Variants in MED26 observed in about 807,000 individuals in gnomAD.
MED26 encodes the protein mediator of RNA polymerase II transcription subunit 26.
MED26 carries 7 observed loss-of-function variants against 43.7 expected under a neutral mutation model. That is an observed-to-expected ratio of 0.16 (90% CI 0.09 to 0.30). The LOEUF (loss-of-function observed/expected upper bound fraction) is 0.30. MED26 is among the 10% of genes least tolerant of loss of function. The pLI, the probability that MED26 is intolerant of heterozygous loss-of-function variation, is 1.00. For synonymous variants in MED26, 375 were observed against 371.1 expected (o/e 1.01, Z -0.12); for missense variants, 784 against 840.6 (o/e 0.93, Z 0.83).
chr19:16,595,415 G>A (rs2086115821), intron 1 of MED26, among the ~76,000 whole-genome samples: 1 of 152,186 alleles, frequency 6.6e-6, no homozygotes, highest in Admixed American at 6.5e-5. Context: ...CATCTACTGA[G>A]CCACTGCTGT....
intron 1 of MED26, among the ~76,000 whole-genome samples, chr19:16,585,521 G>T (rs1365805607): frequency 1.3e-5 from 2 of 152,046 alleles, no homozygotes; most frequent in South Asian, 4.1e-4. Flanking sequence ...GTCACTCCAG[G>T]ACCTGCCCAG....
chr19:16,594,765 G>A (rs1368644707), intron 1 of MED26, among the ~76,000 whole-genome samples: 1 of 151,974 alleles, frequency 6.6e-6, no homozygotes, highest in African/African-American at 2.4e-5. Flanking sequence ...CACCACACAA[G>A]TGCTGACAGT....
chr19:16,621,671 T>C (rs2086252113), intron 1 of MED26, among the ~76,000 whole-genome samples: 1 of 151,878 alleles, frequency 6.6e-6, no homozygotes, highest in Admixed American at 6.6e-5. Flanking sequence ...ACTTGGATGG[T>C]CACAGAATCC....
At chr19:16,593,990 C>T (rs2086109466) in intron 1 of MED26, among the ~76,000 whole-genome samples, 2 of 152,200 alleles carry the variant, frequency 1.3e-5, no homozygotes, top group Non-Finnish European at 2.9e-5. Flanking sequence ...AGTTTACCTT[C>T]TTGGCAATCC....
Position 16,628,048 on chromosome 19 carries a change from T to A in MED26, c.-105A>T. On this transcript the variant is annotated 5_prime_UTR_variant, in exon 1 of 3. Transcript: ENST00000263390. Reference sequence around the variant, plus strand: ...GGCCTCCGGGAGCCGGAGCCGCATGTTCCCCGCGGCGCCGGGGGGTTGGGG... The same window carrying A: ...GGCCTCCGGGAGCCGGAGCCGCATGATCCCCGCGGCGCCGGGGGGTTGGGG... 1.6e-6 allele frequency: 1 copy of A among 633,882 alleles called. No homozygotes were observed. 39.3% of individuals were successfully genotyped at this position (633,882 alleles called of 1,614,324 possible).
At chr19:16,615,649 G>A (rs1006469142) in intron 1 of MED26, among the ~76,000 whole-genome samples, 1 of 152,068 alleles carries the variant, frequency 6.6e-6, no homozygotes, top group Non-Finnish European at 1.5e-5. Flanking sequence ...GGGAGGCTGA[G>A]GCAGGAGAAC....
intron 1 of MED26, among the ~76,000 whole-genome samples, chr19:16,625,908 G>A (rs1186014702): frequency 6.6e-6 from 1 of 152,132 alleles, no homozygotes; most frequent in Admixed American, 6.5e-5. Flanking sequence ...TCCACCCCAT[G>A]TTAGTAGGAC....
In MED26 at chr19:16,628,038, G is replaced by A; in HGVS notation, c.-95C>T. On this transcript the variant is annotated 5_prime_UTR_variant, in exon 1 of 3. Coordinates refer to ENST00000263390, the MANE Select transcript of MED26 (RefSeq NM_004831.5). ...CTCACTCGCCGGCCTCCGGGAGCCGGAGCCGCATGTTCCCCGCGGCGCCGG... is the reference window on the plus strand; with the variant it reads ...CTCACTCGCCGGCCTCCGGGAGCCGAAGCCGCATGTTCCCCGCGGCGCCGG... 1.4e-6 allele frequency: 1 copy of A among 738,618 alleles called. No individual in the cohort carries two copies. The highest frequency in any genetic ancestry group is 1.9e-6 in the Non-Finnish European group (1 of 519,420). The allele number at this position is 738,618 out of a possible 1,614,324, so 45.8% of individuals were successfully genotyped here. A position where few individuals can be genotyped will look rare whatever the true frequency, so the allele number is the denominator to read the frequency against.
In MED26 at chr19:16,576,149, G is replaced by A; in HGVS notation, c.1681C>T (p.Pro561Ser). 2 of 1,613,892 alleles carry A rather than the reference G, an allele frequency of 1.2e-6. No individual in the cohort carries two copies. The highest frequency in any genetic ancestry group is 1.7e-6 in the Non-Finnish European group (2 of 1,180,006). ...DLDRIQASQW[P>S]GVNGCQDTQG... ...GTGTCCTGACACCCGTTCACCCCCG[G>A]CCACTGGCTGGCCTGGATTCTGTCG... Residue 561 changes from proline to serine, a missense_variant, in exon 3 of 3, where the codon CCG becomes TCG. By Grantham distance (74) the Pro-to-Ser change is moderately conservative. Coordinates refer to ENST00000263390, the MANE Select transcript of MED26 (RefSeq NM_004831.5). This position sits in a 1 kb window ranked among gnomAD's most constrained non-coding sequence, Gnocchi z 6.8.
intron 1 of MED26, among the ~76,000 whole-genome samples, chr19:16,614,347 G>T (rs2086213242): frequency 6.6e-6 from 1 of 152,028 alleles, no homozygotes. Context: ...GGGCAACATG[G>T]TGAAACCCCA....
intron 1 of MED26, among the ~76,000 whole-genome samples, chr19:16,619,935 A>T (rs1406527880): frequency 6.6e-6 from 1 of 152,230 alleles, no homozygotes; most frequent in Non-Finnish European, 1.5e-5. Flanking sequence ...TCACATGACC[A>T]AAAAAGGCCG....
intron 1 of MED26, among the ~76,000 whole-genome samples, chr19:16,626,198 T>C (rs1429665102): frequency 1.3e-5 from 2 of 152,258 alleles, no homozygotes; most frequent in East Asian, 3.9e-4. Context: ...GAGGTGGCAT[T>C]AAGGATCAGT....
At chr19:16,615,318 GCTAC>G (rs2086219400) in intron 1 of MED26, among the ~76,000 whole-genome samples, 1 of 152,142 alleles carries the variant, frequency 6.6e-6, no homozygotes, top group Non-Finnish European at 1.5e-5. Flanking sequence ...AATAAGAAGG[GCTAC>G]CTGACCCAGA....
At chr19:16,613,258 G>A (rs1216999428) in intron 1 of MED26, among the ~76,000 whole-genome samples, 1 of 152,116 alleles carries the variant, frequency 6.6e-6, no homozygotes. Flanking sequence ...TTTGGGAGGA[G>A]GGGAGAGGAG....
chr19:16,593,151 T>C (rs1045129011), intron 1 of MED26, among the ~76,000 whole-genome samples: 3 of 152,202 alleles, frequency 2.0e-5, no homozygotes, highest in African/African-American at 7.2e-5. Flanking sequence ...TGACATCTCA[T>C]AGACCCAACA....
intron 1 of MED26, among the ~76,000 whole-genome samples, chr19:16,616,759 T>C (rs980540289): frequency 3.9e-5 from 6 of 152,186 alleles, no homozygotes; most frequent in East Asian, 1.9e-4. Context: ...TGAGCAGTGC[T>C]ACACAAAGCC....
rs2086293383 is a variant in MED26, at chr19:16,628,166, C to CGCCGCTCGCT, written c.-233_-224dup. The CGCCGCTCGCT allele has an allele frequency of 2.8e-6, 1 of 360,480 alleles. No homozygotes were observed. The highest frequency in any genetic ancestry group is 4.7e-5 in the Admixed American group (1 of 21,060). The allele number at this position is 360,480 out of a possible 1,614,324, so 22.3% of individuals were successfully genotyped here. A position where few individuals can be genotyped will look rare whatever the true frequency, so the allele number is the denominator to read the frequency against. On this transcript the variant is annotated 5_prime_UTR_variant, in exon 1 of 3. Coordinates refer to ENST00000263390, the MANE Select transcript of MED26 (RefSeq NM_004831.5). ...GAGGAGGAGGAGCCGCCGGAGCCGC[C>CGCCGCTCGCT]GCCGCTCGCTGCCGCCGCCTCGAGA...
chr19:16,576,360 C>T lies in MED26; in HGVS notation c.1470G>A (p.Leu490=). The T allele has an allele frequency of 4.3e-6, 7 of 1,614,108 alleles. No individual in the cohort carries two copies. Among genetic ancestry groups the T allele is most frequent in the Non-Finnish European group, 5.9e-6 (7 of 1,180,020 alleles). Residue 490 remains leucine (L), a synonymous_variant, in exon 3 of 3, where the codon CTG becomes CTA. Coordinates refer to ENST00000263390, the MANE Select transcript of MED26 (RefSeq NM_004831.5). This position sits in a 1 kb window ranked among gnomAD's most constrained non-coding sequence, Gnocchi z 6.8. ...ATGAGAGCAGGCTGCTCTGCCGGCT[C>T]AGGTAGGACTGGATGATCTCGTTGC... ...LSRNEIIQSY[L]SRQSSLLSSS...
At chr19:16,615,836 A>G (rs2086223781) in intron 1 of MED26, among the ~76,000 whole-genome samples, 1 of 151,934 alleles carries the variant, frequency 6.6e-6, no homozygotes, top group African/African-American at 2.4e-5. Context: ...TCCTCTGACC[A>G]GGTCTTAATC....
Sources: allele counts gnomAD v4.1 joint callset (sites outside exome capture counted in the v4.1 genomes callset), GRCh38; gene constraint gnomAD v4.1.1; non-coding constraint Gnocchi (gnomAD v3.1); transcripts MANE v1.5; gene names NCBI Gene and HGNC (gene_info 2026-07-23, HGNC 2026-07-21).